CCDC122: variants seen among roughly 807,000 people sequenced by gnomAD.
The protein encoded by CCDC122 is coiled-coil domain-containing protein 122.
In CCDC122, 38 loss-of-function variants were observed where a neutral mutation model predicts 37.0. The ratio of observed to expected loss-of-function variants is 1.03; its 90% CI spans 0.79 to 1.35. The LOEUF is 1.35. Among genes scored for constraint, CCDC122 ranks in the 40% most tolerant of loss-of-function variants. CCDC122 has a pLI of 0.00. For synonymous variants in CCDC122, 83 were observed against 95.6 expected (o/e 0.87, Z 0.77); for missense variants, 305 against 310.0 (o/e 0.98, Z 0.12).
intron 3 of CCDC122, among the ~76,000 whole-genome samples, chr13:43,825,665 G>A (rs1463089673): frequency 6.6e-6 from 1 of 151,904 alleles, no homozygotes; most frequent in Non-Finnish European, 1.5e-5. Context: ...AGCTACTTGG[G>A]AGGCTGAGGC....
At chr13:43,838,586 CTA>C (rs1953240605) in intron 6 of CCDC122, among the ~76,000 whole-genome samples, 1 of 152,184 alleles carries the variant, frequency 6.6e-6, no homozygotes, top group Admixed American at 6.5e-5. Context: ...TGTACCAACT[CTA>C]TGAAGTTACC....
At position 43,846,774 on chromosome 13, in the gene CCDC122, C is replaced by T. The variant is rs150023489; in HGVS notation, c.673-9345G>A. 2.7e-3 allele frequency among the ~76,000 whole-genome samples: 416 copies of T among 152,258 alleles called. 1 individual carries two copies. The highest frequency in any genetic ancestry group is 4.2e-3 in the Admixed American group (65 of 15,296). On this transcript the variant is annotated intron_variant, in intron 6 of 6. Transcript: ENST00000444614. ...TCCCTCGTGTGTGCAGTTTAAGTTA[C>T]AGCCAAGTTTTTGAGGGCAGCTAAT...
chr13:43,871,178 C>T (rs750721072), intron 2 of CCDC122, among the ~76,000 whole-genome samples: 7 of 152,114 alleles, frequency 4.6e-5, no homozygotes, highest in Admixed American at 1.3e-4. Context: ...TCCTATGATG[C>T]TAAAACGTCA....
At chr13:43,861,312 A>G (rs1453138913) in intron 4 of CCDC122, among the ~76,000 whole-genome samples, 1 of 152,188 alleles carries the variant, frequency 6.6e-6, no homozygotes, top group Non-Finnish European at 1.5e-5. Context: ...TTACATAATC[A>G]AACCCAGAGT....
chr13:43,873,600 A>G (rs1954514568), intron 2 of CCDC122, among the ~76,000 whole-genome samples: 1 of 152,134 alleles, frequency 6.6e-6, no homozygotes, highest in Admixed American at 6.5e-5. Context: ...TTAACACTCC[A>G]AGGCTGCTGC....
At chr13:43,879,000 G>A (rs531281054) in intron 1 of CCDC122, among the ~76,000 whole-genome samples, 1 of 152,290 alleles carries the variant, frequency 6.6e-6, no homozygotes, top group Non-Finnish European at 1.5e-5. Context: ...GCTGCCAAGA[G>A]CTAGCATGAC....
chr13:43,844,671 A>T (rs1953460722), intron 6 of CCDC122, among the ~76,000 whole-genome samples: 1 of 152,014 alleles, frequency 6.6e-6, no homozygotes, highest in East Asian at 1.9e-4. Flanking sequence ...CTCTGTTATT[A>T]TGTAAATGTA....
At chr13:43,840,439 T>G (rs1232294819) in intron 6 of CCDC122, among the ~76,000 whole-genome samples, 1 of 152,162 alleles carries the variant, frequency 6.6e-6, no homozygotes, top group Non-Finnish European at 1.5e-5. Flanking sequence ...GCAGGTTTGT[T>G]ACATATGTAT....
downstream of CCDC122, among the ~76,000 whole-genome samples, chr13:43,820,693 A>G (rs1952986919): frequency 6.6e-6 from 1 of 152,220 alleles, no homozygotes. Context: ...CCTCTCTTCT[A>G]TGAACCATGT....
intron 3 of CCDC122, among the ~76,000 whole-genome samples, chr13:43,829,892 T>A (rs1467926516): frequency 2.6e-5 from 4 of 152,146 alleles, no homozygotes; most frequent in East Asian, 1.9e-4. Context: ...TTAATTTTTT[T>A]AAAGATGGAG....
downstream of CCDC122, among the ~76,000 whole-genome samples, chr13:43,819,293 A>G (rs939902922): frequency 2.0e-5 from 3 of 152,188 alleles, no homozygotes; most frequent in African/African-American, 7.2e-5. Flanking sequence ...ATCTAGCAAA[A>G]TTATGTGTGT....
rs1011353639 is a variant in CCDC122 at position 43,874,877 on chromosome 13, T to C, written c.-149A>G. On this transcript the variant is annotated 5_prime_UTR_variant, in exon 2 of 7. Coordinates refer to ENST00000444614, the MANE Select transcript of CCDC122 (RefSeq NM_144974.5). ...CCAGTACCGCTGAATCTGCTGACAC[T>C]AGGGATTACTTCCTTTTCTGGCCAG... is the stretch of plus-strand genomic sequence containing the variant. The C allele has an allele frequency of 2.6e-5, 4 of 152,340 alleles. No homozygotes were observed. Among genetic ancestry groups the C allele is most frequent in the Non-Finnish European group, 5.9e-5 (4 of 68,050 alleles). The allele number at this position is 152,340 out of a possible 1,614,324, so 9.4% of individuals were successfully genotyped here.
chr13:43,877,220 T>C (rs1033485368), intron 1 of CCDC122, among the ~76,000 whole-genome samples: 1 of 152,216 alleles, frequency 6.6e-6, no homozygotes. Context: ...TGATGGTTTA[T>C]GGGTACGGTT....
At chr13:43,875,327 T>C (rs550601755) in intron 1 of CCDC122, among the ~76,000 whole-genome samples, 2 of 152,266 alleles carry the variant, frequency 1.3e-5, no homozygotes, top group South Asian at 4.1e-4. Context: ...AACTTTATAG[T>C]GGGTTAAATA....
At chr13:43,826,276 C>T (rs1594809028) in intron 3 of CCDC122, among the ~76,000 whole-genome samples, 1 of 152,150 alleles carries the variant, frequency 6.6e-6, no homozygotes, top group African/African-American at 2.4e-5. Context: ...AGAATGCATA[C>T]AATTTCAGGG....
At chr13:43,830,086 G>C (rs1953075166) in intron 3 of CCDC122, among the ~76,000 whole-genome samples, 1 of 152,002 alleles carries the variant, frequency 6.6e-6, no homozygotes, top group Non-Finnish European at 1.5e-5. Context: ...ACGTTGGCCA[G>C]GCTGGTCTTG....
chr13:43,819,659 T>A (rs1445556), downstream of CCDC122, among the ~76,000 whole-genome samples: 140,756 of 152,120 alleles, frequency 0.93, 65,455 homozygotes, highest in Middle Eastern at 0.99. Context: ...ATATTTAAAA[T>A]GAAACAATGA....
chr13:43,868,946 G>A, intron 3 of CCDC122, 143 bp from the exon 4 acceptor site: 1 of 534,580 alleles, frequency 1.9e-6, no homozygotes, highest in South Asian at 3.9e-5. Context: ...ATTTTCCCTT[G>A]CTGATATAAA....
intron 6 of CCDC122, among the ~76,000 whole-genome samples, chr13:43,845,711 AAAAACAAAAC>A (rs59721051): frequency 1.3e-5 from 2 of 150,980 alleles, no homozygotes; most frequent in African/African-American, 4.9e-5. Flanking sequence ...CTCCATCTCT[AAAAACAAAAC>A]AAAACAAAAC....
Sources: gnomAD v4.1 joint callset for allele counts (sites outside exome capture counted in the v4.1 genomes callset) on GRCh38, gnomAD v4.1.1 for gene constraint, MANE v1.5 for transcripts, NCBI Gene and HGNC (gene_info 2026-07-23, HGNC 2026-07-21) for gene names.